CBR3: variants seen among roughly 807,000 people sequenced by gnomAD.
CBR3 encodes carbonyl reductase [NADPH] 3.
In CBR3, 14 loss-of-function variants were observed where a neutral mutation model predicts 11.6. The ratio of observed to expected loss-of-function variants is 1.20; its 90% CI spans 0.79 to 1.88. CBR3 has a LOEUF of 1.88. Among genes scored for constraint, CBR3 ranks in the 40% most tolerant of loss-of-function variants. The pLI, the probability that CBR3 is intolerant of heterozygous loss-of-function variation, is 0.00. For missense variants in CBR3, 308 were observed against 357.3 expected, an observed-to-expected ratio of 0.86 and a Z score of 1.11; for synonymous variants, 125 against 145.6, an observed-to-expected ratio of 0.86 and a Z score of 1.02.
chr21:36,135,373 C>G lies in CBR3; in HGVS notation c.181C>G (p.Gln61Glu), dbSNP rs985117366. ...GGAGGGCCTGAGCCCGCGCTTCCAC[C>G]AACTGGACATCGACGACTTGCAGAG... is the stretch of plus-strand genomic sequence containing the variant. ...QAEGLSPRFH[Q>E]LDIDDLQSIR... The change falls in exon 1 of 3, where the codon CAA (glutamine) becomes GAA (glutamate). Residue 61 changes from glutamine (Q) to glutamate (E), a missense_variant. By Grantham distance (29) the Gln-to-Glu change is conservative (BLOSUM62 2). Coordinates refer to ENST00000290354, the MANE Select transcript of CBR3 (RefSeq NM_001236.4). The G allele has an allele frequency of 3.7e-6, 6 of 1,613,108 alleles. No homozygotes were observed. The highest frequency in any genetic ancestry group is 1.3e-5 in the African/African-American group (1 of 74,932).
At chr21:36,136,493 G>C (rs538911955) in intron 1 of CBR3, among the ~76,000 whole-genome samples, 1 of 152,114 alleles carries the variant, frequency 6.6e-6, no homozygotes, top group Non-Finnish European at 1.5e-5. Context: ...TGACCCGCAC[G>C]GGCAACTCAG....
At position 36,138,055 on chromosome 21, in the gene CBR3, T is replaced by C. The variant is rs1011902225; in HGVS notation, c.397+123T>C. 3.2e-6 allele frequency: 2 copies of C among 633,840 alleles called. 1 individual carries two copies. The highest frequency in any genetic ancestry group is 3.7e-5 in the African/African-American group (2 of 54,314). 39.3% of individuals were successfully genotyped at this position (633,840 alleles called of 1,614,324 possible). Reference sequence around the variant, plus strand: ...TGCTATTTCTCTGAAGGGGGAAAAATAGAAAATTGCTTCATTTTCCCACAG... The same window carrying C: ...TGCTATTTCTCTGAAGGGGGAAAAACAGAAAATTGCTTCATTTTCCCACAG... On this transcript the variant is annotated intron_variant, in intron 2 of 2. Coordinates refer to ENST00000290354, the MANE Select transcript of CBR3 (RefSeq NM_001236.4).
intron 2 of CBR3, among the ~76,000 whole-genome samples, chr21:36,141,133 T>C (rs1427436062): frequency 6.6e-6 from 1 of 151,282 alleles, no homozygotes; most frequent in African/African-American, 2.4e-5. Flanking sequence ...TAGCTGGGCA[T>C]AGTGGCATGT....
chr21:36,139,645 G>C (rs1023637164), intron 2 of CBR3, among the ~76,000 whole-genome samples: 6 of 151,858 alleles, frequency 4.0e-5, no homozygotes, highest in Non-Finnish European at 7.4e-5. Flanking sequence ...GCCTCCCAAA[G>C]TGCTGGGATT....
intron 2 of CBR3, among the ~76,000 whole-genome samples, chr21:36,139,799 C>T (rs988107386): frequency 9.9e-5 from 15 of 150,822 alleles, no homozygotes; most frequent in Admixed American, 3.3e-4. Flanking sequence ...CTTGAGCCCA[C>T]GAGTTTAAGA....
intron 1 of CBR3, among the ~76,000 whole-genome samples, chr21:36,136,551 C>T (rs1282875271): frequency 6.6e-6 from 1 of 152,122 alleles, no homozygotes; most frequent in African/African-American, 2.4e-5. Context: ...GATTAACACC[C>T]CCTAATGCAG....
At chr21:36,135,783 G>C (rs1469384291) in intron 1 of CBR3, among the ~76,000 whole-genome samples, 1 of 152,228 alleles carries the variant, frequency 6.6e-6, no homozygotes, top group Non-Finnish European at 1.5e-5. Flanking sequence ...CTCCTGGGAG[G>C]GGGCAACGCC....
intron 2 of CBR3, chr21:36,141,418 A>G (rs959959568): frequency 1.3e-5 from 2 of 152,126 alleles, no homozygotes; most frequent in Admixed American, 1.3e-4. Flanking sequence ...TGAGTATCTT[A>G]TGTAATTTAT....
chr21:36,135,562 C>T (rs2065652665), intron 1 of CBR3, 81 bp downstream of exon 1: 1 of 1,340,406 alleles, frequency 7.5e-7, no homozygotes, highest in African/African-American at 1.5e-5. Context: ...CCCACCCGTC[C>T]ACTTGAGTGA....
Position 36,140,999 on chromosome 21 carries a change from C to T in CBR3, c.397+3067C>T, listed in dbSNP as rs1420808602. Reference sequence around the variant, plus strand: ...CTCCAGCCTGGGCGACAGAGCCACACTCCATCTCAAAAAAAAAAAAAAAAA... The same window carrying T: ...CTCCAGCCTGGGCGACAGAGCCACATTCCATCTCAAAAAAAAAAAAAAAAA... On this transcript the variant is annotated intron_variant, in intron 2 of 2. Coordinates refer to ENST00000290354, the MANE Select transcript of CBR3 (RefSeq NM_001236.4). 2.6e-5 allele frequency among the ~76,000 whole-genome samples: 3 copies of T among 114,014 alleles called. No individual in the cohort carries two copies. In the Admixed American group the frequency reaches 3.3e-4, roughly 13 times the overall value. 74.8% of individuals were successfully genotyped at this position (114,014 alleles called of 152,430 possible). A position where few individuals can be genotyped will look rare whatever the true frequency, so the allele number is the denominator to read the frequency against.
chr21:36,143,078 G>GCAGA (rs1274117883), intron 2 of CBR3, among the ~76,000 whole-genome samples: 1 of 152,162 alleles, frequency 6.6e-6, no homozygotes, highest in Admixed American at 6.6e-5. Flanking sequence ...GCCGAGGAAG[G>GCAGA]CAGAGCACCT....
intron 2 of CBR3, among the ~76,000 whole-genome samples, chr21:36,142,441 A>AAAAAAAAAAAAAAAC (rs926876949): frequency 2.0e-5 from 3 of 149,746 alleles, no homozygotes; most frequent in African/African-American, 7.3e-5. Flanking sequence ...CAAAAAAAAA[A>AAAAAAAAAAAAAAAC]AAAAAAACGC....
Position 36,136,028 on chromosome 21 carries a change from C to G in CBR3, c.289+547C>G, listed in dbSNP as rs45458202. Among the ~76,000 whole-genome samples, 944 of 152,220 alleles carry G rather than the reference C, an allele frequency of 6.2e-3. 6 individuals carry two copies. Among genetic ancestry groups the G allele is most frequent in the African/African-American group, 0.022 (894 of 41,538 alleles). On this transcript the variant is annotated intron_variant, in intron 1 of 2. Coordinates refer to ENST00000290354, the MANE Select transcript of CBR3 (RefSeq NM_001236.4). ...TTGATAGGCTCTGGCAAAAAGGAAG[C>G]GAGCCTTCTCGTTCCCCCACCCCCG...
At chr21:36,144,124 A>G (rs764994971) in intron 2 of CBR3, among the ~76,000 whole-genome samples, 5 of 152,002 alleles carry the variant, frequency 3.3e-5, no homozygotes, top group African/African-American at 7.2e-5. Context: ...GTTTATAAGT[A>G]CTTGGAGTGT....
chr21:36,143,727 A>G (rs1237206505), intron 2 of CBR3, among the ~76,000 whole-genome samples: 1 of 151,908 alleles, frequency 6.6e-6, no homozygotes, highest in Non-Finnish European at 1.5e-5. Flanking sequence ...GAAAAATACA[A>G]AAATTATTTG....
chr21:36,141,992 C>G (rs1375962342), intron 2 of CBR3: 1 of 811,794 alleles, frequency 1.2e-6, no homozygotes, highest in Non-Finnish European at 1.5e-6. Context: ...ATGTAGTATT[C>G]CTGGCCAAAA....
intron 1 of CBR3, 80 bp from the exon 2 acceptor site, chr21:36,137,745 A>T: frequency 1.3e-6 from 1 of 781,136 alleles, no homozygotes; most frequent in East Asian, 2.5e-5. Flanking sequence ...TTTAGTTGTT[A>T]GGAGTTAGGA....
intron 1 of CBR3, 58 bp from the exon 2 acceptor site, chr21:36,137,767 A>G (rs551919126): frequency 1.0e-6 from 1 of 958,704 alleles, no homozygotes; most frequent in African/African-American, 1.6e-5. Context: ...CCACTTTGTC[A>G]TGTGAGTTTC....
rs1568978644 is a variant in CBR3, at chr21:36,137,538, G to GGAAGGAAGGAAGGAAGGAAGGAGA, written c.290-265_290-264insGAGAAGGAAGGAAGGAAGGAAGGA. Reference sequence around the variant, plus strand: ...AGGAAGGAAGGAAGGAAGGAAGGAAGGAAGGAAGGAAGGAAGGAAGGAAAG... The same window carrying GGAAGGAAGGAAGGAAGGAAGGAGA: ...AGGAAGGAAGGAAGGAAGGAAGGAAGGAAGGAAGGAAGGAAGGAAGGAGAGAAGGAAGGAAGGAAGGAAGGAAAG... On this transcript the variant is annotated intron_variant, in intron 1 of 2. Coordinates refer to ENST00000290354, the MANE Select transcript of CBR3 (RefSeq NM_001236.4). The GGAAGGAAGGAAGGAAGGAAGGAGA allele has an allele frequency of 1.4e-4, 22 of 157,914 alleles. No homozygotes were observed. The East Asian group carries it at 2.6e-3, about 18-fold the overall frequency. 9.8% of individuals were successfully genotyped at this position (157,914 alleles called of 1,614,324 possible).
Sources: allele counts gnomAD v4.1 joint callset (sites outside exome capture counted in the v4.1 genomes callset), GRCh38; gene constraint gnomAD v4.1.1; transcripts MANE v1.5; gene names NCBI Gene and HGNC (gene_info 2026-07-23, HGNC 2026-07-21).